AFG3L2: variants seen among roughly 807,000 people sequenced by gnomAD.
AFG3L2 encodes the protein AFG3 like matrix AAA peptidase subunit 2.
AFG3L2 carries 54 observed loss-of-function variants against 94.5 expected under a neutral mutation model. The observed-to-expected ratio is 0.57, with a 90% CI of 0.46 to 0.72. AFG3L2 has a LOEUF of 0.72. Among genes scored for constraint, AFG3L2 ranks in the 30% least tolerant of loss-of-function variants. The probability of loss-of-function intolerance (pLI) is 0.00; values close to 1 mark genes in which losing one functional copy is unlikely to be tolerated. For synonymous variants in AFG3L2, 377 were observed against 365.5 expected (o/e 1.03, Z -0.36); for missense variants, 754 against 994.9 (o/e 0.76, Z 3.26).
chr18:12,350,192 G>C lies in AFG3L2; in HGVS notation c.1552+893C>G, dbSNP rs573413592. Among the ~76,000 whole-genome samples, 26 of 151,260 alleles carry C rather than the reference G, an allele frequency of 1.7e-4. No homozygotes were observed. The South Asian group carries it at 3.8e-3, about 22-fold the overall frequency. ...TGCCCGGCTAATTTCTGTATTTTTAGTAGAGACAGGGTTTTGCCATGTTAG... is the reference window on the plus strand; with the variant it reads ...TGCCCGGCTAATTTCTGTATTTTTACTAGAGACAGGGTTTTGCCATGTTAG... On this transcript the variant is annotated intron_variant, in intron 12 of 16. Transcript: ENST00000269143.
chr18:12,365,970 G>A (rs1280120610), intron 5 of AFG3L2, among the ~76,000 whole-genome samples: 1 of 151,114 alleles, frequency 6.6e-6, no homozygotes, highest in Non-Finnish European at 1.5e-5. Flanking sequence ...CGCCTCCCGG[G>A]TTCACGCCAT....
intron 7 of AFG3L2, 56 bp from the exon 8 acceptor site, chr18:12,358,999 C>T: frequency 6.4e-7 from 1 of 1,563,512 alleles, no homozygotes; most frequent in African/African-American, 1.4e-5. Flanking sequence ...CCAGCTTTCA[C>T]ATGTGGTGCA....
At chr18:12,348,080 G>T (rs143090211) in intron 13 of AFG3L2, among the ~76,000 whole-genome samples, 193 bp downstream of exon 13, 1 of 152,110 alleles carries the variant, frequency 6.6e-6, no homozygotes, top group Admixed American at 6.5e-5. Context: ...GGCAGGGGAC[G>T]GTGGCAGGAA....
At chr18:12,362,911 G>C (rs1252022526) in intron 6 of AFG3L2, among the ~76,000 whole-genome samples, 1 of 152,192 alleles carries the variant, frequency 6.6e-6, no homozygotes, top group Admixed American at 6.5e-5. Context: ...GGCCTCATGA[G>C]AAAGTGCCAA....
chr18:12,352,860 C>CA, intron 10 of AFG3L2, 145 bp downstream of exon 10: 1 of 1,096,310 alleles, frequency 9.1e-7, no homozygotes, highest in Non-Finnish European at 1.3e-6. Flanking sequence ...GAGACTGAGG[C>CA]AGGAGGATCG....
chr18:12,332,851 CA>C (rs1907580132), intron 16 of AFG3L2, among the ~76,000 whole-genome samples: 4 of 82,422 alleles, frequency 4.9e-5, no homozygotes, highest in African/African-American at 7.3e-5. Flanking sequence ...CACACACACA[CA>C]CACCATAGTT....
chr18:12,362,785 C>T (rs1458378935), intron 6 of AFG3L2, among the ~76,000 whole-genome samples: 4 of 152,162 alleles, frequency 2.6e-5, no homozygotes, highest in East Asian at 1.9e-4. Context: ...TGTGAGAGGA[C>T]GTCCTTGCAG....
At position 12,353,150 on chromosome 18, in the gene AFG3L2, G is replaced by A; in HGVS notation, c.1173C>T (p.Asp391=). 6.2e-7 allele frequency: 1 copy of A among 1,614,000 alleles called. No homozygotes were observed. The highest frequency in any genetic ancestry group is 8.5e-7 in the Non-Finnish European group (1 of 1,179,950). ...CATTCTTCCGAGCAAGGGCAAATAA[G>A]TCTCGGACCTTGGCAAAAACAGAAA... ...FVGVGPARVR[D]LFALARKNAP... The change falls in exon 10 of 17, where the codon GAC becomes GAT. Residue 391 remains aspartate (D), a synonymous_variant. Transcript: ENST00000269143.
chr18:12,373,862 C>T (rs1311882513), intron 1 of AFG3L2, among the ~76,000 whole-genome samples: 1 of 152,116 alleles, frequency 6.6e-6, no homozygotes, highest in African/African-American at 2.4e-5. Flanking sequence ...TAGAATGGCA[C>T]CAAGACACTC....
At chr18:12,354,358 G>C (rs575148624) in intron 9 of AFG3L2, among the ~76,000 whole-genome samples, 1 of 152,180 alleles carries the variant, frequency 6.6e-6, no homozygotes, top group East Asian at 1.9e-4. Flanking sequence ...CCTTAAGCAG[G>C]AGTCTGCATC....
intron 6 of AFG3L2, among the ~76,000 whole-genome samples, chr18:12,361,452 G>A (rs1908658751): frequency 1.3e-5 from 2 of 151,874 alleles, no homozygotes; most frequent in East Asian, 3.9e-4. Flanking sequence ...CTCAAGATGA[G>A]CCTGGTCAAG....
intron 13 of AFG3L2, among the ~76,000 whole-genome samples, chr18:12,348,060 GA>G (rs1486123759): frequency 6.6e-6 from 1 of 152,222 alleles, no homozygotes; most frequent in African/African-American, 2.4e-5. Context: ...CCTCCATGCA[GA>G]GGGCAGGTGG....
intron 15 of AFG3L2, among the ~76,000 whole-genome samples, chr18:12,338,074 C>CTTT (rs1399615794): frequency 1.3e-5 from 2 of 151,908 alleles, no homozygotes; most frequent in East Asian, 3.9e-4. Context: ...TACCTGGTTT[C>CTTT]TTTTTGTTTT....
intron 16 of AFG3L2, among the ~76,000 whole-genome samples, chr18:12,331,046 C>T (rs781439815): frequency 1.3e-5 from 2 of 152,212 alleles, no homozygotes; most frequent in African/African-American, 2.4e-5. Flanking sequence ...CTGCTAACAA[C>T]GTTTCAGTCA....
intron 16 of AFG3L2, chr18:12,337,047 A>G (rs1223362468): frequency 3.4e-6 from 2 of 591,584 alleles, no homozygotes; most frequent in Non-Finnish European, 6.0e-6. Context: ...ACTGTGAACT[A>G]TCTGGTGAGG....
In AFG3L2 at chr18:12,329,344, T is replaced by C. The variant is rs886053613; in HGVS notation, c.*221A>G. 101 of 672,666 alleles carry C rather than the reference T, an allele frequency of 1.5e-4. No homozygotes were observed. Among genetic ancestry groups the C allele is most frequent in the African/African-American group, 1.4e-3 (78 of 56,230 alleles). 41.7% of individuals were successfully genotyped at this position (672,666 alleles called of 1,614,324 possible). A position where few individuals can be genotyped will look rare whatever the true frequency, so the allele number is the denominator to read the frequency against. On this transcript the variant is annotated 3_prime_UTR_variant, in exon 17 of 17. Transcript: ENST00000269143. ...CACGTCTGGGAGCCCAATGAGGCTA[T>C]GGGACAGTGTGCATTTCCCTCAAGG...
rs1907423582 is a variant in AFG3L2 at position 12,329,024 on chromosome 18, G to A, written c.*541C>T. The A allele has an allele frequency of 1.3e-5, 8 of 634,500 alleles. No homozygotes were observed. The Admixed American group carries it at 2.1e-4, about 16-fold the overall frequency. 39.3% of individuals were successfully genotyped at this position (634,500 alleles called of 1,614,324 possible). On this transcript the variant is annotated 3_prime_UTR_variant, in exon 17 of 17. Transcript: ENST00000269143. ...TTACATAATACATTCATATTTTTAA[G>A]TATGTTACAGCTCCTGTAGAAAACC...
Position 12,353,087 on chromosome 18 carries a change from C to T in AFG3L2, c.1236G>A (p.Val412=). 3 of 1,614,206 alleles carry T rather than the reference C, an allele frequency of 1.9e-6. No homozygotes were observed. The highest frequency in any genetic ancestry group is 2.5e-6 in the Non-Finnish European group (3 of 1,180,044). ...CILFIDEIDA[V]GRKRGRGNFG... The stretch of plus-strand genomic sequence containing the variant: ...AGTTGCCTCTTCCTCTCTTCCTTCC[C>T]ACCGCATCGATTTCATCGATGAAGA... The change falls in exon 10 of 17, where the codon GTG becomes GTA. Residue 412 remains valine (V), a synonymous_variant. Transcript: ENST00000269143.
chr18:12,362,745 T>A (rs573120837), intron 6 of AFG3L2, among the ~76,000 whole-genome samples: 6 of 152,144 alleles, frequency 3.9e-5, no homozygotes, highest in African/African-American at 1.4e-4. Context: ...CGCTGGGCTA[T>A]TTCTCATTTT....
Sources: allele counts gnomAD v4.1 joint callset (sites outside exome capture counted in the v4.1 genomes callset), GRCh38; gene constraint gnomAD v4.1.1; transcripts MANE v1.5; gene names NCBI Gene and HGNC (gene_info 2026-07-23, HGNC 2026-07-21).